ADAMTS6: variants seen among roughly 807,000 people sequenced by gnomAD.
ADAMTS6 encodes ADAM metallopeptidase with thrombospondin type 1 motif 6.
In ADAMTS6, 23 loss-of-function variants were observed where a neutral mutation model predicts 144.3. That is an observed-to-expected ratio of 0.16 (90% CI 0.11 to 0.23). The LOEUF is 0.23. Among genes scored for constraint, ADAMTS6 ranks in the 10% least tolerant of loss-of-function variants. The pLI is 1.00. For missense variants in ADAMTS6, 999 were observed against 1,379.6 expected (o/e 0.72, Z 4.37); for synonymous variants, 444 against 457.5 (o/e 0.97, Z 0.38).
rs557592846 is a variant in ADAMTS6, at chr5:65,351,917, G to A, written c.1074-17832C>T. Among the ~76,000 whole-genome samples, 105 of 152,290 alleles carry A rather than the reference G, an allele frequency of 6.9e-4. 1 individual carries two copies. Among genetic ancestry groups the A allele is most frequent in the Admixed American group, 3.1e-3 (47 of 15,296 alleles). On this transcript the variant is annotated intron_variant, in intron 7 of 24. Coordinates refer to ENST00000381055, the MANE Select transcript of ADAMTS6 (RefSeq NM_197941.4). ...GACACATAAATCACTTGCTAACATGGAAGTACACATAGCCAGATAATATCT... is the reference window on the plus strand; with the variant it reads ...GACACATAAATCACTTGCTAACATGAAAGTACACATAGCCAGATAATATCT...
rs1012774156 is a variant in ADAMTS6 at position 65,151,466 on chromosome 5, C to T, written c.*370G>A. On this transcript the variant is annotated 3_prime_UTR_variant, in exon 25 of 25. Coordinates refer to ENST00000381055, the MANE Select transcript of ADAMTS6 (RefSeq NM_197941.4). Reference sequence around the variant, plus strand: ...GCTACATTTTAAACAGTTTTAAATACAAATGGATTCAGTGTCATTGCTAAG... The same window carrying T: ...GCTACATTTTAAACAGTTTTAAATATAAATGGATTCAGTGTCATTGCTAAG... The T allele has an allele frequency of 4.9e-5, 9 of 182,134 alleles. No homozygotes were observed. The highest frequency in any genetic ancestry group is 1.0e-4 in the Non-Finnish European group (9 of 87,652). The allele number at this position is 182,134 out of a possible 1,614,324, so 11.3% of individuals were successfully genotyped here. A position where few individuals can be genotyped will look rare whatever the true frequency, so the allele number is the denominator to read the frequency against.
chr5:65,256,961 T>C (rs12654696), intron 14 of ADAMTS6, among the ~76,000 whole-genome samples: 9,330 of 117,594 alleles, frequency 0.079, 710 homozygotes, highest in African/African-American at 0.13. Context: ...GGGTCACTTT[T>C]TCTCTCTCTC....
At position 65,334,016 on chromosome 5, in the gene ADAMTS6, AAAAAAAAAAAC is replaced by A. The variant is rs762148762; in HGVS notation, c.1117+15_1117+25del. On this transcript the variant is annotated intron_variant, in intron 8 of 24. Coordinates refer to ENST00000381055, the MANE Select transcript of ADAMTS6 (RefSeq NM_197941.4). ...CTTTATTAAAAAAAAAAAAAAAAAA[AAAAAAAAAAAC>A]CAAAAAAAACTTACCCAGTGTTCCA... 66 of 1,419,252 alleles carry A rather than the reference AAAAAAAAAAAC, an allele frequency of 4.7e-5. No homozygotes were observed. The African/African-American group carries it at 8.2e-4, about 18-fold the overall frequency. The allele number at this position is 1,419,252 out of a possible 1,614,324, so 87.9% of individuals were successfully genotyped here.
In ADAMTS6 at chr5:65,210,122, G is replaced by C. The variant is rs997775893; in HGVS notation, c.2575+4672C>G. On this transcript the variant is annotated intron_variant, in intron 20 of 24. Coordinates refer to ENST00000381055, the MANE Select transcript of ADAMTS6 (RefSeq NM_197941.4). ...AGCGTACTATATTGGCCTGCTGCTG[G>C]CCCACAGGCTTTTCAATAGGTTTGG... 16 of 218,896 alleles carry C rather than the reference G, an allele frequency of 7.3e-5. 1 individual carries two copies. The highest frequency in any genetic ancestry group is 8.2e-5 in the Admixed American group (2 of 24,254). The allele number at this position is 218,896 out of a possible 1,614,324, so 13.6% of individuals were successfully genotyped here.
At chr5:65,473,194 G>A (rs1043603676) in intron 2 of ADAMTS6, among the ~76,000 whole-genome samples, 1 of 152,010 alleles carries the variant, frequency 6.6e-6, no homozygotes, top group African/African-American at 2.4e-5. Context: ...ATATTAAAAG[G>A]GTCCTGTATC....
intron 7 of ADAMTS6, among the ~76,000 whole-genome samples, chr5:65,358,165 T>G (rs1749512268): frequency 6.6e-6 from 1 of 151,928 alleles, no homozygotes; most frequent in Admixed American, 6.6e-5. Context: ...GGATGCAGGA[T>G]GGTTCAACAA....
At chr5:65,240,489 C>T (rs957105446) in intron 15 of ADAMTS6, among the ~76,000 whole-genome samples, 2 of 151,996 alleles carry the variant, frequency 1.3e-5, no homozygotes, top group African/African-American at 2.4e-5. Flanking sequence ...TTGTGTCCCC[C>T]CAAAACCCGT....
At chr5:65,153,540 A>C (rs150262986) in intron 24 of ADAMTS6, among the ~76,000 whole-genome samples, 25 of 152,370 alleles carry the variant, frequency 1.6e-4, no homozygotes, top group Non-Finnish European at 2.2e-4. Context: ...AGTATGGGAT[A>C]AGTGTAGGAT....
chr5:65,187,638 C>G (rs1177841445), intron 22 of ADAMTS6, among the ~76,000 whole-genome samples: 2 of 152,132 alleles, frequency 1.3e-5, no homozygotes, highest in African/African-American at 4.8e-5. Context: ...TCTTCAATAA[C>G]TTTTGGGGTA....
intron 4 of ADAMTS6, among the ~76,000 whole-genome samples, chr5:65,457,829 C>T (rs1759339327): frequency 1.4e-5 from 2 of 145,834 alleles, no homozygotes; most frequent in South Asian, 4.4e-4. Flanking sequence ...AGGGTTCAAG[C>T]AATTCTCCTG....
intron 9 of ADAMTS6, among the ~76,000 whole-genome samples, chr5:65,318,632 G>C (rs1745246405): frequency 6.6e-6 from 1 of 152,098 alleles, no homozygotes; most frequent in Non-Finnish European, 1.5e-5. Context: ...CAGGCACAGA[G>C]AGACAAACTT....
At chr5:65,454,918 A>C (rs1017441928) in intron 4 of ADAMTS6, among the ~76,000 whole-genome samples, 1 of 152,222 alleles carries the variant, frequency 6.6e-6, no homozygotes, top group Non-Finnish European at 1.5e-5. Flanking sequence ...TGACCAACAG[A>C]AACTGTGAAA....
At chr5:65,234,857 A>C (rs1758549479) in intron 15 of ADAMTS6, among the ~76,000 whole-genome samples, 1 of 152,212 alleles carries the variant, frequency 6.6e-6, no homozygotes, top group Non-Finnish European at 1.5e-5. Context: ...GAAACAACCC[A>C]AGTGTCTGTC....
intron 1 of ADAMTS6, among the ~76,000 whole-genome samples, chr5:65,480,664 A>C (rs1183325202): frequency 3.3e-5 from 5 of 151,726 alleles, no homozygotes; most frequent in Non-Finnish European, 4.4e-5. Flanking sequence ...CTGCACTCTC[A>C]CTCTCCCTCC....
At chr5:65,303,700 A>G (rs1234039633) in intron 9 of ADAMTS6, among the ~76,000 whole-genome samples, 5 of 151,944 alleles carry the variant, frequency 3.3e-5, no homozygotes, top group Admixed American at 3.3e-4. Context: ...ACATTAAGAT[A>G]AAGTTCTAAA....
At chr5:65,245,018 T>C (rs1759507092) in intron 14 of ADAMTS6, among the ~76,000 whole-genome samples, 1 of 152,150 alleles carries the variant, frequency 6.6e-6, no homozygotes, top group East Asian at 1.9e-4. Context: ...ATTAATTTAA[T>C]TCACGGCCTT....
intron 15 of ADAMTS6, among the ~76,000 whole-genome samples, chr5:65,233,070 C>T (rs964131241): frequency 1.3e-5 from 2 of 151,978 alleles, no homozygotes; most frequent in African/African-American, 4.8e-5. Flanking sequence ...CTGTAATACA[C>T]CATATTAACA....
intron 20 of ADAMTS6, among the ~76,000 whole-genome samples, chr5:65,200,435 G>C (rs1243096204): frequency 6.6e-6 from 1 of 152,162 alleles, no homozygotes; most frequent in Non-Finnish European, 1.5e-5. Context: ...TTTTAAAGTA[G>C]TCTGTAAAAC....
At chr5:65,480,032 A>G (rs1305989178) in intron 1 of ADAMTS6, among the ~76,000 whole-genome samples, 1 of 152,230 alleles carries the variant, frequency 6.6e-6, no homozygotes, top group Non-Finnish European at 1.5e-5. Flanking sequence ...GCAACACAAG[A>G]AAACAATTAT....
Sources: allele counts gnomAD v4.1 joint callset (sites outside exome capture counted in the v4.1 genomes callset), GRCh38; gene constraint gnomAD v4.1.1; transcripts MANE v1.5; gene names NCBI Gene and HGNC (gene_info 2026-07-23, HGNC 2026-07-21).